Variants in C1RL observed in about 807,000 individuals in gnomAD.
C1RL encodes complement C1r subcomponent-like protein.
A neutral mutation model predicts 27.9 loss-of-function variants in C1RL; 27 were observed. The ratio of observed to expected loss-of-function variants is 0.97; its 90% confidence interval spans 0.71 to 1.33. The LOEUF is 1.33. C1RL is among the 40% of genes most tolerant of loss of function. C1RL has a pLI of 0.00. For missense variants in C1RL, 563 were observed against 623.9 expected, an observed-to-expected ratio of 0.90 and a Z score of 1.04; for synonymous variants, 248 against 252.1, an observed-to-expected ratio of 0.98 and a Z score of 0.15.
intron 2 of C1RL, among the ~76,000 whole-genome samples, chr12:7,106,069 G>T (rs902187936): frequency 2.0e-5 from 3 of 152,166 alleles, no homozygotes; most frequent in Non-Finnish European, 4.4e-5. Context: ...AGAGGCTCTA[G>T]ATTAAAAGAA....
In C1RL at chr12:7,104,011, G is replaced by A. The variant is rs1166242804; in HGVS notation, c.301-1924C>T. Among the ~76,000 whole-genome samples, 1 of 152,136 alleles carries A rather than the reference G, an allele frequency of 6.6e-6. No individual in the cohort carries two copies. The highest frequency in any genetic ancestry group is 1.5e-5 in the Non-Finnish European group (1 of 68,022). ...CGTATGACAGCAAAGGGATAAAATG[G>A]TACACATAACCAAGGACAAAAAAGG... is the stretch of plus-strand genomic sequence containing the variant. On this transcript the variant is annotated intron_variant, in intron 2 of 5. Coordinates refer to ENST00000266542, the MANE Select transcript of C1RL (RefSeq NM_016546.4). This position sits in a 1 kb window ranked among gnomAD's most constrained non-coding sequence, Gnocchi z 5.4.
rs1938703563 is a variant in C1RL at position 7,104,320 on chromosome 12, T to C, written c.301-2233A>G. Among the ~76,000 whole-genome samples, 1 of 152,166 alleles carries C rather than the reference T, an allele frequency of 6.6e-6. No homozygotes were observed. Among genetic ancestry groups the C allele is most frequent in the African/African-American group, 2.4e-5 (1 of 41,436 alleles). On this transcript the variant is annotated intron_variant, in intron 2 of 5. Coordinates refer to ENST00000266542, the MANE Select transcript of C1RL (RefSeq NM_016546.4). The surrounding 1 kb of genome is among the most constrained non-coding windows in gnomAD (Gnocchi z 5.4). ...GCCCACCCTGGCAGAAGGCATGAGC[T>C]TAACAAGAAACCCTGGACTTGAGGC... is the stretch of plus-strand genomic sequence containing the variant.
Position 7,095,175 on chromosome 12 carries a change from G to C in C1RL, c.*1216C>G. ...TCTGTCCGCAGGCTGGAGTGCAGTG[G>C]CGTGATCTTAGCTCACTGCAACCTC... On this transcript the variant is annotated 3_prime_UTR_variant, in exon 6 of 6. Transcript: ENST00000266542. The C allele has an allele frequency of 1.7e-6, 2 of 1,158,550 alleles. No homozygotes were observed. Among genetic ancestry groups the C allele is most frequent in the Non-Finnish European group, 2.2e-6 (2 of 900,906 alleles). 71.8% of individuals were successfully genotyped at this position (1,158,550 alleles called of 1,614,324 possible).
intron 2 of C1RL, among the ~76,000 whole-genome samples, chr12:7,107,341 A>G (rs1270951483): frequency 6.6e-6 from 1 of 151,898 alleles, no homozygotes; most frequent in East Asian, 1.9e-4. Context: ...GCTAATTTTT[A>G]AATTTTTTTG....
At chr12:7,103,730 G>A (rs11612161) in intron 2 of C1RL, among the ~76,000 whole-genome samples, 115,480 of 152,190 alleles carry the variant, frequency 0.76, 45,205 homozygotes, top group East Asian at 0.96. Flanking sequence ...AATAAACTAG[G>A]TTATAGTGTG....
intron 3 of C1RL, 22 bp from the exon 4 acceptor site, chr12:7,100,048 C>A (rs746674246): frequency 1.3e-6 from 2 of 1,595,074 alleles, no homozygotes; most frequent in Non-Finnish European, 1.7e-6. Flanking sequence ...CAGCACCTAG[C>A]ACAGACTTGC....
intron 1 of C1RL, 134 bp downstream of exon 1, chr12:7,108,976 T>TGG: frequency 4.6e-6 from 1 of 215,544 alleles, no homozygotes; most frequent in Non-Finnish European, 7.9e-6. Context: ...GGTGTGTGTG[T>TGG]GTGTGTGTGT....
At position 7,108,390 on chromosome 12, in the gene C1RL, G is replaced by T; in HGVS notation, c.161C>A (p.Ser54Tyr). ...LAQELPQQLT[S>Y]PGYPEPYGKG... Reference sequence around the variant, plus strand: ...GCCATACGGCTCTGGGTACCCGGGGGATGTCAGCTGCTGGGGTAGCTCTTG... The same window carrying T: ...GCCATACGGCTCTGGGTACCCGGGGTATGTCAGCTGCTGGGGTAGCTCTTG... The change falls in exon 2 of 6, where the codon TCC (serine) becomes TAC (tyrosine). Residue 54 changes from serine (S) to tyrosine (Y), a missense_variant. Transcript: ENST00000266542. 6.2e-7 allele frequency: 1 copy of T among 1,614,140 alleles called. No individual in the cohort carries two copies. The highest frequency in any genetic ancestry group is 1.3e-5 in the African/African-American group (1 of 75,064).
chr12:7,096,360 T>G lies in C1RL; in HGVS notation c.*31A>C, dbSNP rs774306428. The G allele has an allele frequency of 2.5e-5, 33 of 1,339,678 alleles. No individual in the cohort carries two copies. The highest frequency in any genetic ancestry group is 3.3e-5 in the Non-Finnish European group (33 of 1,012,212). The allele number at this position is 1,339,678 out of a possible 1,614,324, so 83.0% of individuals were successfully genotyped here. A position where few individuals can be genotyped will look rare whatever the true frequency, so the allele number is the denominator to read the frequency against. ...CCTCTGTTGCCTGGGGCCTCCACTG[T>G]GCTGGTCAGTCCCTGTTCAAGCCCC... On this transcript the variant is annotated 3_prime_UTR_variant, in exon 6 of 6. Coordinates refer to ENST00000266542, the MANE Select transcript of C1RL (RefSeq NM_016546.4).
At chr12:7,108,050 C>G (rs778745313) in intron 2 of C1RL, 5 of 464,458 alleles carry the variant, frequency 1.1e-5, no homozygotes, top group Non-Finnish European at 1.9e-5. Context: ...TCTGTGGGGC[C>G]CAGATGGCAG....
At position 7,108,494 on chromosome 12, in the gene C1RL, G is replaced by A. The variant is rs752874709; in HGVS notation, c.72-15C>T. On this transcript the variant is annotated splice_polypyrimidine_tract_variant and intron_variant, in intron 1 of 5. Coordinates refer to ENST00000266542, the MANE Select transcript of C1RL (RefSeq NM_016546.4). ...GCAGCCACCACCTGTGAGTTGGGGG[G>A]AGGGCAAGGTGGGGCCGCGCAGCTA... 1.0e-5 allele frequency: 16 copies of A among 1,568,292 alleles called. No homozygotes were observed. Among genetic ancestry groups the A allele is most frequent in the Non-Finnish European group, 1.4e-5 (16 of 1,153,104 alleles).
Position 7,095,076 on chromosome 12 carries a change from C to A in C1RL, c.*1315G>T. ...GTGTTTATTTTCTATTTCCATTGAA[C>A]AGTTGTATTTTATTTGTGTCTTTCA... On this transcript the variant is annotated 3_prime_UTR_variant, in exon 6 of 6. Coordinates refer to ENST00000266542, the MANE Select transcript of C1RL (RefSeq NM_016546.4). 8.4e-7 allele frequency: 1 copy of A among 1,185,644 alleles called. No individual in the cohort carries two copies. The highest frequency in any genetic ancestry group is 1.7e-5 in the African/African-American group (1 of 60,250). 73.4% of individuals were successfully genotyped at this position (1,185,644 alleles called of 1,614,324 possible).
In C1RL at chr12:7,104,757, TAGTTCAC is replaced by T. The variant is rs1246302010; in HGVS notation, c.301-2677_301-2671del. Among the ~76,000 whole-genome samples the T allele has an allele frequency of 9.2e-5, 14 of 152,234 alleles. No homozygotes were observed. The highest frequency in any genetic ancestry group is 1.9e-4 in the Non-Finnish European group (13 of 68,042). ...TATTAACCTTTCTTACATGTAGGCA[TAGTTCAC>T]ATGTATTTCAATATTTAATATTAGA... On this transcript the variant is annotated intron_variant, in intron 2 of 5. Transcript: ENST00000266542. This position sits in a 1 kb window ranked among gnomAD's most constrained non-coding sequence, Gnocchi z 5.4.
intron 1 of C1RL, 152 bp from the exon 2 acceptor site, chr12:7,108,631 C>G (rs1430793162): frequency 2.4e-5 from 15 of 612,316 alleles, no homozygotes; most frequent in Non-Finnish European, 4.2e-5. Context: ...GGGCACTTCC[C>G]GTCTCCTCCC....
chr12:7,096,285 C>CAA lies in C1RL; in HGVS notation c.*104_*105dup. The CAA allele has an allele frequency of 8.5e-7, 1 of 1,171,710 alleles. No individual in the cohort carries two copies. The highest frequency in any genetic ancestry group is 1.1e-6 in the Non-Finnish European group (1 of 939,856). 72.6% of individuals were successfully genotyped at this position (1,171,710 alleles called of 1,614,324 possible). Reference sequence around the variant, plus strand: ...GTGAATAGGATTTCCCTGCCTCCCCCAACCCCCCACCCCCAACCCCTACCC... The same window carrying CAA: ...GTGAATAGGATTTCCCTGCCTCCCCCAAAACCCCCCACCCCCAACCCCTACCC... On this transcript the variant is annotated 3_prime_UTR_variant, in exon 6 of 6. Transcript: ENST00000266542.
chr12:7,102,211 CTCAG>C, intron 2 of C1RL, 124 bp from the exon 3 acceptor site: 1 of 930,732 alleles, frequency 1.1e-6, no homozygotes, highest in Non-Finnish European at 1.6e-6. Context: ...CCCTCTGGGG[CTCAG>C]AAGGCACCTC....
chr12:7,103,789 A>T (rs893119307), intron 2 of C1RL, among the ~76,000 whole-genome samples: 2 of 152,108 alleles, frequency 1.3e-5, no homozygotes, highest in African/African-American at 4.8e-5. Context: ...CTCTGGGAGG[A>T]ATCCTTTTTC....
intron 2 of C1RL, among the ~76,000 whole-genome samples, chr12:7,103,403 C>T (rs1289895327): frequency 1.3e-5 from 2 of 152,178 alleles, no homozygotes; most frequent in Non-Finnish European, 2.9e-5. Flanking sequence ...TTCTGAAGCA[C>T]CCAAGATCTC....
chr12:7,096,491 A>G lies in C1RL; in HGVS notation c.1364T>C (p.Ile455Thr), dbSNP rs1367684009. The change falls in exon 6 of 6, where the codon ATT becomes ACT. Residue 455 changes from isoleucine (I) to threonine (T), a missense_variant. By Grantham distance (89) the Ile-to-Thr change is moderately conservative. Transcript: ENST00000266542. Reference sequence around the variant, plus strand: ...GCCACACCCTATGCCCCAGGACACAATGCCCGTGGCCACCCAGTGATGGGC... The same window carrying G: ...GCCACACCCTATGCCCCAGGACACAGTGCCCGTGGCCACCCAGTGATGGGC... ...NHAHHWVATG[I>T]VSWGIGCGEG... 8 of 1,613,972 alleles carry G rather than the reference A, an allele frequency of 5.0e-6. No individual in the cohort carries two copies. Among genetic ancestry groups the G allele is most frequent in the African/African-American group, 1.3e-5 (1 of 74,866 alleles).
Sources: gnomAD v4.1 joint callset for allele counts (sites outside exome capture counted in the v4.1 genomes callset) on GRCh38, gnomAD v4.1.1 for gene constraint, Gnocchi (gnomAD v3.1) non-coding constraint, MANE v1.5 for transcripts, NCBI Gene and HGNC (gene_info 2026-07-23, HGNC 2026-07-21) for gene names.